Variants in EGFLAM observed in about 807,000 individuals in gnomAD.
EGFLAM encodes the protein EGF like, fibronectin type III and laminin G domains.
Under a neutral mutation model 113.1 loss-of-function variants are expected in EGFLAM, and 79 were observed. The ratio of observed to expected loss-of-function variants is 0.70; its 90% CI spans 0.58 to 0.84. The LOEUF is 0.84. Among genes scored for constraint, EGFLAM ranks in the 40% least tolerant of loss-of-function variants. EGFLAM has a pLI of 0.00. For missense variants in EGFLAM, 1,265 were observed against 1,291.6 expected, an observed-to-expected ratio of 0.98 and a Z score of 0.32; for synonymous variants, 504 against 487.6, an observed-to-expected ratio of 1.03 and a Z score of -0.44.
At chr5:38,376,720 G>A (rs770276150) in intron 6 of EGFLAM, among the ~76,000 whole-genome samples, 68 of 152,266 alleles carry the variant, frequency 4.5e-4, no homozygotes, top group Non-Finnish European at 6.9e-4. Flanking sequence ...CAGGGTCTTG[G>A]AGTGCAGTGC....
At chr5:38,265,411 G>A (rs1204688374) in intron 1 of EGFLAM, among the ~76,000 whole-genome samples, 2 of 152,210 alleles carry the variant, frequency 1.3e-5, no homozygotes, top group East Asian at 3.8e-4. Context: ...TGAATGATGT[G>A]ATGTCTTGAT....
At chr5:38,308,038 G>A (rs1286537128) in intron 1 of EGFLAM, among the ~76,000 whole-genome samples, 1 of 152,222 alleles carries the variant, frequency 6.6e-6, no homozygotes, top group African/African-American at 2.4e-5. Context: ...ATACTGTTGT[G>A]TGGGAAAGAA....
Position 38,448,338 on chromosome 5 carries a change from C to T in EGFLAM, c.2502C>T (p.Gly834=), listed in dbSNP as rs746313833. ...IEAIEIPQFI[G]RSYLTYDNPD... ...CCATTGAGATCCCGCAGTTTATCGGCCGCAGTTACCTGACGTATGACAACC... is the reference window on the plus strand; with the variant it reads ...CCATTGAGATCCCGCAGTTTATCGGTCGCAGTTACCTGACGTATGACAACC... The change falls in exon 18 of 22, where the codon GGC becomes GGT. Residue 834 remains glycine (G), a synonymous_variant. Coordinates refer to ENST00000322350, the MANE Select transcript of EGFLAM (RefSeq NM_152403.4). The T allele has an allele frequency of 5.6e-6, 9 of 1,614,162 alleles. No homozygotes were observed. In the Admixed American group the frequency reaches 1.3e-4, roughly 24 times the overall value.
At chr5:38,395,776 T>G (rs143271969) in intron 6 of EGFLAM, among the ~76,000 whole-genome samples, 25 of 152,308 alleles carry the variant, frequency 1.6e-4, no homozygotes, top group African/African-American at 5.1e-4. Flanking sequence ...CTCCCTGATG[T>G]AGCTCCTGAT....
chr5:38,271,938 T>C (rs1254197545), intron 1 of EGFLAM, among the ~76,000 whole-genome samples: 1 of 152,208 alleles, frequency 6.6e-6, no homozygotes, highest in African/African-American at 2.4e-5. Context: ...TCACATTGTG[T>C]GATTAATTTG....
intron 3 of EGFLAM, among the ~76,000 whole-genome samples, chr5:38,342,862 CT>C (rs1739370678): frequency 6.6e-6 from 1 of 152,070 alleles, no homozygotes. Flanking sequence ...ATTATAAAAT[CT>C]CACAGAATTT....
chr5:38,456,854 C>G (rs931877256), intron 19 of EGFLAM, among the ~76,000 whole-genome samples: 12 of 152,212 alleles, frequency 7.9e-5, no homozygotes, highest in Non-Finnish European at 1.8e-4. Context: ...GAACATACTT[C>G]CCTTCAAAAG....
At chr5:38,268,852 A>G in intron 1 of EGFLAM, among the ~76,000 whole-genome samples, 1 of 152,300 alleles carries the variant, frequency 6.6e-6, no homozygotes, top group East Asian at 1.9e-4. Flanking sequence ...GTTACTATAT[A>G]TATTTCCTAC....
At chr5:38,327,281 AT>A (rs1458633424) in intron 1 of EGFLAM, among the ~76,000 whole-genome samples, 1 of 152,184 alleles carries the variant, frequency 6.6e-6, no homozygotes, top group Non-Finnish European at 1.5e-5. Context: ...TATTTCGCAG[AT>A]TTCCTTTAGT....
At chr5:38,328,940 T>C (rs547420378) in intron 1 of EGFLAM, among the ~76,000 whole-genome samples, 1 of 152,118 alleles carries the variant, frequency 6.6e-6, no homozygotes, top group African/African-American at 2.4e-5. Context: ...CATTATTTTT[T>C]AAAAATTTAT....
In EGFLAM at chr5:38,350,544, T is replaced by C; in HGVS notation, c.335T>C (p.Val112Ala). 6.2e-7 allele frequency: 1 copy of C among 1,614,030 alleles called. No individual in the cohort carries two copies. The highest frequency in any genetic ancestry group is 8.5e-7 in the Non-Finnish European group (1 of 1,179,934). ...TTGAAACCAGGCACTGAATATCGTG[T>C]GAGCATAGCAGCTTACAGCCAGGCT... ...GDLKPGTEYR[V>A]SIAAYSQAGK... Residue 112 changes from valine (V) to alanine (A), a missense_variant, in exon 4 of 22, where the codon GTG (valine) becomes GCG (alanine). Physicochemically the swap from Val to Ala is moderately conservative, Grantham distance 64 (BLOSUM62 0). Transcript: ENST00000322350.
At chr5:38,298,108 A>G (rs1758489615) in intron 1 of EGFLAM, among the ~76,000 whole-genome samples, 1 of 152,162 alleles carries the variant, frequency 6.6e-6, no homozygotes, top group South Asian at 2.1e-4. Context: ...CAACGTAGAT[A>G]AGAGGGGATC....
intron 6 of EGFLAM, among the ~76,000 whole-genome samples, chr5:38,390,342 A>C (rs1159339453): frequency 6.6e-6 from 1 of 152,220 alleles, no homozygotes; most frequent in Non-Finnish European, 1.5e-5. Flanking sequence ...GTTGAATTAT[A>C]ACATTCTAGT....
intron 5 of EGFLAM, among the ~76,000 whole-genome samples, chr5:38,366,286 C>T (rs1314681630): frequency 2.6e-5 from 4 of 152,144 alleles, no homozygotes. Flanking sequence ...TCACAGTGAC[C>T]TATTCAAATA....
intron 1 of EGFLAM, among the ~76,000 whole-genome samples, chr5:38,315,505 A>G (rs1264765262): frequency 1.3e-5 from 2 of 152,206 alleles, no homozygotes; most frequent in Non-Finnish European, 2.9e-5. Flanking sequence ...CTGCTGTTAT[A>G]CTTTCTCAAT....
intron 11 of EGFLAM, among the ~76,000 whole-genome samples, chr5:38,414,698 A>G (rs1465144045): frequency 2.0e-5 from 3 of 152,198 alleles, no homozygotes; most frequent in African/African-American, 4.8e-5. Flanking sequence ...AATCCCTTCA[A>G]TGATTGATTG....
At chr5:38,316,019 A>T (rs1414170284) in intron 1 of EGFLAM, among the ~76,000 whole-genome samples, 1 of 150,814 alleles carries the variant, frequency 6.6e-6, no homozygotes, top group South Asian at 2.1e-4. Flanking sequence ...GGAGGTTGCA[A>T]TGAGCTCAGA....
At chr5:38,425,546 G>A (rs1268555271) in intron 13 of EGFLAM, among the ~76,000 whole-genome samples, 1 of 152,108 alleles carries the variant, frequency 6.6e-6, no homozygotes, top group Admixed American at 6.5e-5. Context: ...GGAGAGATGG[G>A]GGAAACTTTT....
At chr5:38,345,453 A>G (rs746024572) in intron 3 of EGFLAM, 3 of 152,212 alleles carry the variant, frequency 2.0e-5, no homozygotes, top group South Asian at 2.1e-4. Context: ...TTTCTCTTCT[A>G]TAGATGTGAA....
Sources: gnomAD v4.1 joint callset for allele counts (sites outside exome capture counted in the v4.1 genomes callset) on GRCh38, gnomAD v4.1.1 for gene constraint, MANE v1.5 for transcripts, NCBI Gene and HGNC (gene_info 2026-07-23, HGNC 2026-07-21) for gene names.